Variants in KLHL29 observed in about 807,000 individuals in gnomAD.
KLHL29 encodes the protein kelch like family member 29.
Under a neutral mutation model 80.4 loss-of-function variants are expected in KLHL29, and 21 were observed. The observed-to-expected ratio is 0.26, with a 90% CI of 0.19 to 0.38. The LOEUF (loss-of-function observed/expected upper bound fraction) is 0.38. Ranked by LOEUF, KLHL29 falls within the 10% of genes least tolerant of loss-of-function variation. The probability of loss-of-function intolerance (pLI) is 1.00; values close to 1 mark genes in which losing one functional copy is unlikely to be tolerated. For missense variants in KLHL29, 867 were observed against 1,223.9 expected (o/e 0.71, Z 4.35); for synonymous variants, 511 against 526.8 (o/e 0.97, Z 0.41).
intron 2 of KLHL29, among the ~76,000 whole-genome samples, chr2:23,546,391 T>A (rs1666980299): frequency 6.6e-6 from 1 of 152,142 alleles, no homozygotes; most frequent in Non-Finnish European, 1.5e-5. Context: ...GAAGACTTCA[T>A]GGAGGAGGCA....
At chr2:23,512,257 C>T (rs1665794574) in intron 2 of KLHL29, among the ~76,000 whole-genome samples, 1 of 152,120 alleles carries the variant, frequency 6.6e-6, no homozygotes, top group Non-Finnish European at 1.5e-5. Flanking sequence ...ACCAGCCTGA[C>T]GCACATGGAG....
At chr2:23,570,923 C>T (rs1324767974) in intron 3 of KLHL29, among the ~76,000 whole-genome samples, 1 of 152,248 alleles carries the variant, frequency 6.6e-6, no homozygotes, top group African/African-American at 2.4e-5. Context: ...TTCCCACTGG[C>T]TGTGAGATCA....
chr2:23,594,019 G>GATT (rs150522932), intron 3 of KLHL29, among the ~76,000 whole-genome samples: 4,928 of 152,254 alleles, frequency 0.032, 227 homozygotes, highest in African/African-American at 0.11. Flanking sequence ...CTATCAAACA[G>GATT]GAATAACCAT....
chr2:23,496,295 A>T (rs1665264378), intron 2 of KLHL29, among the ~76,000 whole-genome samples: 1 of 152,246 alleles, frequency 6.6e-6, no homozygotes, highest in Non-Finnish European at 1.5e-5. Flanking sequence ...TCAGAATAAG[A>T]TATGTAACAT....
chr2:23,629,287 C>CAGAATGA (rs1256484450), intron 3 of KLHL29, among the ~76,000 whole-genome samples: 4 of 152,092 alleles, frequency 2.6e-5, no homozygotes, highest in Non-Finnish European at 4.4e-5. Flanking sequence ...CACCTTTCAG[C>CAGAATGA]AGAATGAAAG....
At chr2:23,423,332 C>G (rs978016654) in intron 1 of KLHL29, among the ~76,000 whole-genome samples, 1 of 152,228 alleles carries the variant, frequency 6.6e-6, no homozygotes, top group Non-Finnish European at 1.5e-5. Context: ...CTGACCTCCC[C>G]AGGCCGTGCC....
chr2:23,449,595 C>A (rs1663808989), intron 1 of KLHL29, among the ~76,000 whole-genome samples: 1 of 152,128 alleles, frequency 6.6e-6, no homozygotes, highest in Non-Finnish European at 1.5e-5. Context: ...GTTCTTATAG[C>A]AATTTCTGAG....
At chr2:23,520,538 C>T (rs1666059688) in intron 2 of KLHL29, among the ~76,000 whole-genome samples, 1 of 152,176 alleles carries the variant, frequency 6.6e-6, no homozygotes, top group African/African-American at 2.4e-5. Flanking sequence ...TGCTGGAGGC[C>T]AAGGTCAGGC....
chr2:23,583,306 G>A (rs1346563916), intron 3 of KLHL29, among the ~76,000 whole-genome samples: 1 of 152,174 alleles, frequency 6.6e-6, no homozygotes, highest in Non-Finnish European at 1.5e-5. Flanking sequence ...AGGTCCATCC[G>A]CGTGGGACTG....
intron 5 of KLHL29, among the ~76,000 whole-genome samples, chr2:23,677,187 G>A (rs892348075): frequency 2.0e-5 from 3 of 152,222 alleles, no homozygotes; most frequent in Admixed American, 6.5e-5. Flanking sequence ...AGTCCCACCC[G>A]CACCCACTGG....
At position 23,596,941 on chromosome 2, in the gene KLHL29, C is replaced by G. The variant is rs1668407625; in HGVS notation, c.285+34460C>G. ...CCTGGGGATACAGGAAAGCTCAGGGCTGCGTTTAGAATCAAATAGAGCTAA... is the reference window on the plus strand; with the variant it reads ...CCTGGGGATACAGGAAAGCTCAGGGGTGCGTTTAGAATCAAATAGAGCTAA... On this transcript the variant is annotated intron_variant, in intron 3 of 13. Coordinates refer to ENST00000486442, the MANE Select transcript of KLHL29 (RefSeq NM_052920.2). The surrounding 1 kb of genome is among the most constrained non-coding windows in gnomAD (Gnocchi z 4.4). Among the ~76,000 whole-genome samples, 1 of 152,110 alleles carries G rather than the reference C, an allele frequency of 6.6e-6. No homozygotes were observed. The highest frequency in any genetic ancestry group is 6.6e-5 in the Admixed American group (1 of 15,266).
At chr2:23,583,490 T>C (rs1668037845) in intron 3 of KLHL29, among the ~76,000 whole-genome samples, 1 of 152,164 alleles carries the variant, frequency 6.6e-6, no homozygotes, top group African/African-American at 2.4e-5. Context: ...CTATAACATA[T>C]GGACTCCAAT....
At chr2:23,498,625 A>G (rs1296424494) in intron 2 of KLHL29, among the ~76,000 whole-genome samples, 1 of 152,216 alleles carries the variant, frequency 6.6e-6, no homozygotes, top group Admixed American at 6.5e-5. Context: ...GACATTTAGG[A>G]AGGTCGGGGC....
At chr2:23,564,647 G>A (rs991543989) in intron 3 of KLHL29, among the ~76,000 whole-genome samples, 1 of 152,348 alleles carries the variant, frequency 6.6e-6, no homozygotes, top group Non-Finnish European at 1.5e-5. Context: ...CCACCCAGAG[G>A]CCTGTCCCCT....
chr2:23,608,313 G>C lies in KLHL29; in HGVS notation c.286-30826G>C, dbSNP rs57662047. ...CTCCTAAACATATCTATAGCTTACTGTCTGTACCAGGAACTCCCACGCGCC... is the reference window on the plus strand; with the variant it reads ...CTCCTAAACATATCTATAGCTTACTCTCTGTACCAGGAACTCCCACGCGCC... On this transcript the variant is annotated intron_variant, in intron 3 of 13. Transcript: ENST00000486442. 3.7e-3 allele frequency among the ~76,000 whole-genome samples: 567 copies of C among 152,282 alleles called. 2 individuals carry two copies. Among genetic ancestry groups the C allele is most frequent in the African/African-American group, 0.013 (538 of 41,566 alleles).
chr2:23,577,445 T>C (rs1386123410), intron 3 of KLHL29, among the ~76,000 whole-genome samples: 1 of 150,362 alleles, frequency 6.7e-6, no homozygotes, highest in Non-Finnish European at 1.5e-5. Flanking sequence ...AGCAGGACTC[T>C]CTAAATAAAA....
At chr2:23,483,599 G>A (rs1452063690) in intron 2 of KLHL29, among the ~76,000 whole-genome samples, 3 of 152,200 alleles carry the variant, frequency 2.0e-5, no homozygotes, top group African/African-American at 7.2e-5. Context: ...TAAGGCTAAA[G>A]ATAGACGATT....
chr2:23,704,528 A>G (rs534160429), intron 13 of KLHL29, among the ~76,000 whole-genome samples: 1 of 152,332 alleles, frequency 6.6e-6, no homozygotes, highest in South Asian at 2.1e-4. Context: ...GCACTTTGGG[A>G]GGCCGAGGCG....
chr2:23,423,891 G>A (rs550976484), intron 1 of KLHL29, among the ~76,000 whole-genome samples: 3 of 152,290 alleles, frequency 2.0e-5, no homozygotes, highest in South Asian at 2.1e-4. Flanking sequence ...AGACGAGCAG[G>A]GAGCTTTGTC....
Sources: allele counts gnomAD v4.1 joint callset (sites outside exome capture counted in the v4.1 genomes callset), GRCh38; gene constraint gnomAD v4.1.1; non-coding constraint Gnocchi (gnomAD v3.1); transcripts MANE v1.5; gene names NCBI Gene and HGNC (gene_info 2026-07-23, HGNC 2026-07-21).